Variants in ZNF804A observed in about 807,000 individuals in gnomAD.
The protein encoded by ZNF804A is zinc finger protein 804A.
A neutral mutation model predicts 16.5 loss-of-function variants in ZNF804A; 2 were observed. The observed-to-expected ratio is 0.12, with a 90% CI of 0.05 to 0.38. The LOEUF (loss-of-function observed/expected upper bound fraction) is 0.38, where lower values mean the gene tolerates loss of function less well. Ranked by LOEUF, ZNF804A falls within the 10% of genes least tolerant of loss-of-function variation. ZNF804A has a pLI of 0.99. For synonymous variants in ZNF804A, 534 were observed against 489.6 expected, an observed-to-expected ratio of 1.09 and a Z score of -1.20; for missense variants, 1,473 against 1,390.7, an observed-to-expected ratio of 1.06 and a Z score of -0.94.
At chr2:184,895,137 C>T (rs988469328) in intron 2 of ZNF804A, among the ~76,000 whole-genome samples, 1 of 151,846 alleles carries the variant, frequency 6.6e-6, no homozygotes, top group Non-Finnish European at 1.5e-5. Flanking sequence ...TTATAATACA[C>T]GAAACTACAC....
At chr2:184,750,616 A>G (rs1395419654) in intron 1 of ZNF804A, among the ~76,000 whole-genome samples, 1 of 151,446 alleles carries the variant, frequency 6.6e-6, no homozygotes, top group Non-Finnish European at 1.5e-5. Flanking sequence ...AATCCATGTC[A>G]TAAACTTATC....
intron 1 of ZNF804A, among the ~76,000 whole-genome samples, chr2:184,778,428 G>A (rs1486905385): frequency 1.3e-5 from 2 of 151,300 alleles, no homozygotes; most frequent in African/African-American, 4.9e-5. Flanking sequence ...TTAACAAACC[G>A]ACACATATGT....
chr2:184,602,363 A>G (rs1176374108), intron 1 of ZNF804A, among the ~76,000 whole-genome samples: 2 of 151,980 alleles, frequency 1.3e-5, no homozygotes, highest in Non-Finnish European at 2.9e-5. Context: ...ACAAGAAATA[A>G]GTGAATATTT....
At chr2:184,802,759 C>A (rs1417379310) in intron 1 of ZNF804A, among the ~76,000 whole-genome samples, 1 of 152,168 alleles carries the variant, frequency 6.6e-6, no homozygotes, top group Admixed American at 6.5e-5. Flanking sequence ...AATAAGAATT[C>A]CCTGCTCATA....
intron 1 of ZNF804A, among the ~76,000 whole-genome samples, chr2:184,722,575 A>G (rs1574180308): frequency 6.6e-6 from 1 of 152,094 alleles, no homozygotes; most frequent in East Asian, 1.9e-4. Context: ...GAACTTAGAG[A>G]GGGAGGTTAC....
At chr2:184,720,195 C>T (rs1693287418) in intron 1 of ZNF804A, among the ~76,000 whole-genome samples, 1 of 151,928 alleles carries the variant, frequency 6.6e-6, no homozygotes, top group Non-Finnish European at 1.5e-5. Flanking sequence ...AGGAAAAACC[C>T]GCTCCCATAA....
rs1685821287 is a variant in ZNF804A at position 184,937,952 on chromosome 2, C to CA, written c.2562dup (p.Glu855ArgfsTer30). 1 of 1,613,486 alleles carries CA rather than the reference C, an allele frequency of 6.2e-7. No individual in the cohort carries two copies. The highest frequency in any genetic ancestry group is 8.5e-7 in the Non-Finnish European group (1 of 1,179,898). ...CTCTGGATAGGTTAATAAGTGAAGA[C>CA]AAAAAAGAGAAAATGAAACCACAAG... On this transcript the variant is annotated frameshift_variant, in exon 4 of 4. Transcript: ENST00000302277. LOFTEE classifies it low-confidence loss of function (END_TRUNC).
chr2:184,830,110 C>CCACACACACACA (rs151005970), intron 1 of ZNF804A, among the ~76,000 whole-genome samples: 1 of 141,568 alleles, frequency 7.1e-6, no homozygotes, highest in Non-Finnish European at 1.6e-5. Flanking sequence ...ACACACCCAC[C>CCACACACACACA]CACACACACA....
intron 1 of ZNF804A, among the ~76,000 whole-genome samples, chr2:184,760,829 T>C (rs1694028294): frequency 6.6e-6 from 1 of 152,178 alleles, no homozygotes; most frequent in Non-Finnish European, 1.5e-5. Flanking sequence ...CAATACGTTA[T>C]TGGTTGCCTG....
At chr2:184,669,911 C>A (rs1188458960) in intron 1 of ZNF804A, among the ~76,000 whole-genome samples, 1 of 151,972 alleles carries the variant, frequency 6.6e-6, no homozygotes. Flanking sequence ...GCAATTTTTT[C>A]TTCCATTCTC....
intron 1 of ZNF804A, among the ~76,000 whole-genome samples, chr2:184,819,961 G>C (rs1016498150): frequency 7.2e-5 from 11 of 151,854 alleles, no homozygotes; most frequent in Non-Finnish European, 4.4e-5. Context: ...ATGACCAGAT[G>C]GATTTACAAC....
At chr2:184,768,708 T>C (rs958223644) in intron 1 of ZNF804A, among the ~76,000 whole-genome samples, 2 of 152,046 alleles carry the variant, frequency 1.3e-5, no homozygotes, top group African/African-American at 4.8e-5. Flanking sequence ...ATACCTTCAG[T>C]TGTGGAAATA....
intron 2 of ZNF804A, among the ~76,000 whole-genome samples, chr2:184,908,744 T>C (rs1433079703): frequency 6.6e-6 from 1 of 152,156 alleles, no homozygotes; most frequent in African/African-American, 2.4e-5. Flanking sequence ...ACTGTTATAA[T>C]ACATATTACT....
At chr2:184,665,951 C>G (rs1275426513) in intron 1 of ZNF804A, among the ~76,000 whole-genome samples, 1 of 152,192 alleles carries the variant, frequency 6.6e-6, no homozygotes, top group Non-Finnish European at 1.5e-5. Flanking sequence ...GGTAATTACA[C>G]TGGACCCACC....
intron 1 of ZNF804A, among the ~76,000 whole-genome samples, chr2:184,653,536 C>A (rs540136527): frequency 9.9e-5 from 15 of 152,222 alleles, no homozygotes; most frequent in Non-Finnish European, 1.8e-4. Flanking sequence ...GGAAAGTAAA[C>A]TTGGGAGACC....
intron 2 of ZNF804A, among the ~76,000 whole-genome samples, chr2:184,895,374 G>A (rs1304253416): frequency 1.3e-5 from 2 of 152,132 alleles, no homozygotes; most frequent in Non-Finnish European, 2.9e-5. Flanking sequence ...TCTTTAAGAA[G>A]CATTTTAAGA....
At chr2:184,893,743 G>A (rs1289249462) in intron 2 of ZNF804A, among the ~76,000 whole-genome samples, 2 of 152,060 alleles carry the variant, frequency 1.3e-5, no homozygotes, top group Non-Finnish European at 2.9e-5. Context: ...AGTCTTCATA[G>A]ACTTTGTGAA....
At chr2:184,633,499 G>C (rs1691644880) in intron 1 of ZNF804A, among the ~76,000 whole-genome samples, 1 of 152,260 alleles carries the variant, frequency 6.6e-6, no homozygotes, top group African/African-American at 2.4e-5. Context: ...GTAGATGTCA[G>C]TCTGGGTAAT....
intron 1 of ZNF804A, among the ~76,000 whole-genome samples, chr2:184,665,345 A>G (rs1276101572): frequency 6.6e-6 from 1 of 152,196 alleles, no homozygotes; most frequent in East Asian, 1.9e-4. Context: ...TTATGGAATT[A>G]TGATACTTCT....
Sources: allele counts gnomAD v4.1 joint callset (sites outside exome capture counted in the v4.1 genomes callset), GRCh38; gene constraint gnomAD v4.1.1; transcripts MANE v1.5; gene names NCBI Gene and HGNC (gene_info 2026-07-23, HGNC 2026-07-21).